Variants in FOXP2 observed in about 807,000 individuals in gnomAD.
FOXP2 encodes the protein forkhead box P2.
A neutral mutation model predicts 115.8 loss-of-function variants in FOXP2; 12 were observed. The ratio of observed to expected loss-of-function variants is 0.10; its 90% confidence interval spans 0.07 to 0.17. The LOEUF is 0.17. Ranked by LOEUF, FOXP2 falls within the 10% of genes least tolerant of loss-of-function variation. The pLI, the probability that FOXP2 is intolerant of heterozygous loss-of-function variation, is 1.00. For missense variants in FOXP2, 629 were observed against 843.5 expected, an observed-to-expected ratio of 0.75 and a Z score of 3.15; for synonymous variants, 328 against 297.7, an observed-to-expected ratio of 1.10 and a Z score of -1.05.
At chr7:114,184,684 T>C (rs1210042447) in intron 1 of FOXP2, among the ~76,000 whole-genome samples, 1 of 152,148 alleles carries the variant, frequency 6.6e-6, no homozygotes, top group Non-Finnish European at 1.5e-5. Context: ...ACTGGGGCTA[T>C]ATGGGACAAA....
Position 114,243,924 on chromosome 7 carries a change from T to G in FOXP2, c.-101-44095T>G, listed in dbSNP as rs189971470. Among the ~76,000 whole-genome samples the G allele has an allele frequency of 9.4e-3, 1,428 of 152,076 alleles. 23 individuals carry two copies. The highest frequency in any genetic ancestry group is 0.052 in the South Asian group (252 of 4,818). ...AGCATGGTTTTTAGCTTGTTTTTTT[T>G]TTTTGTTTTGTTTTTGTGTTTTAGG... On this transcript the variant is annotated intron_variant, in intron 1 of 17. Transcript: ENST00000634411.
chr7:114,250,011 A>T (rs1172079811), intron 1 of FOXP2, among the ~76,000 whole-genome samples: 2 of 132,300 alleles, frequency 1.5e-5, no homozygotes, highest in Non-Finnish European at 3.1e-5. Context: ...AAGTGTTCTC[A>T]TTGTTCAATT....
intron 2 of FOXP2, among the ~76,000 whole-genome samples, chr7:114,445,831 A>T (rs999791722): frequency 2.6e-5 from 4 of 152,058 alleles, no homozygotes; most frequent in African/African-American, 9.7e-5. Flanking sequence ...TTACCTTCAG[A>T]TAACACATCT....
intron 3 of FOXP2, among the ~76,000 whole-genome samples, chr7:114,557,622 A>C (rs1446697356): frequency 6.6e-6 from 1 of 152,142 alleles, no homozygotes; most frequent in Non-Finnish European, 1.5e-5. Flanking sequence ...CTTTCCTACA[A>C]ATGAAAATGT....
chr7:114,297,102 G>T, intron 2 of FOXP2: 1 of 455,092 alleles, frequency 2.2e-6, no homozygotes, highest in East Asian at 6.3e-5. Context: ...GAGAGGGCAG[G>T]GCAGGGGGCT....
intron 2 of FOXP2, among the ~76,000 whole-genome samples, chr7:114,318,000 C>G (rs1797313884): frequency 6.6e-6 from 1 of 152,154 alleles, no homozygotes; most frequent in Non-Finnish European, 1.5e-5. Context: ...TTGTCACTTT[C>G]ACCATAAGGG....
At chr7:114,560,807 A>G (rs1800723914) in intron 3 of FOXP2, among the ~76,000 whole-genome samples, 1 of 152,216 alleles carries the variant, frequency 6.6e-6, no homozygotes, top group African/African-American at 2.4e-5. Flanking sequence ...TTTTGACAGT[A>G]TGATTATTGA....
In FOXP2 at chr7:114,693,242, A is replaced by T. The variant is rs1417366451; in HGVS notation, c.*3316A>T. On this transcript the variant is annotated 3_prime_UTR_variant, in exon 17 of 17. Transcript: ENST00000350908. Reference sequence around the variant, plus strand: ...ATAACTCAGATATGGAGAAAATGTCATCAGCATTCTGTGTCTACAGCTGCT... The same window carrying T: ...ATAACTCAGATATGGAGAAAATGTCTTCAGCATTCTGTGTCTACAGCTGCT... 2.2e-6 allele frequency: 1 copy of T among 449,556 alleles called. No individual in the cohort carries two copies. Among genetic ancestry groups the T allele is most frequent in the East Asian group, 7.0e-5 (1 of 14,358 alleles). 27.8% of individuals were successfully genotyped at this position (449,556 alleles called of 1,614,324 possible).
At chr7:114,498,083 T>C (rs117605848) in intron 2 of FOXP2, among the ~76,000 whole-genome samples, 6,558 of 152,312 alleles carry the variant, frequency 0.043, 185 homozygotes, top group Middle Eastern at 0.082. Context: ...AAAATGATTA[T>C]AAATCTTAAT....
At chr7:114,286,587 A>T (rs1324978618) in intron 1 of FOXP2, among the ~76,000 whole-genome samples, 1 of 152,082 alleles carries the variant, frequency 6.6e-6, no homozygotes, top group East Asian at 1.9e-4. Context: ...TAACATAAGG[A>T]AAGCCAAGAG....
chr7:114,536,578 G>A lies in FOXP2; in HGVS notation c.258+1872G>A, dbSNP rs556522629. On this transcript the variant is annotated intron_variant, in intron 3 of 16. Coordinates refer to ENST00000350908, the MANE Select transcript of FOXP2 (RefSeq NM_014491.4). The stretch of plus-strand genomic sequence containing the variant: ...TGCAGAAGTAAAATTTTGAGCAGAA[G>A]TGTCCAGTCTTGTTGTTTTAGCATA... Among the ~76,000 whole-genome samples the A allele has an allele frequency of 1.5e-3, 227 of 151,358 alleles. 3 individuals carry two copies. The South Asian group carries it at 0.031, about 20-fold the overall frequency.
chr7:114,406,049 G>C (rs938813491), intron 2 of FOXP2, among the ~76,000 whole-genome samples: 3 of 151,874 alleles, frequency 2.0e-5, no homozygotes, highest in South Asian at 2.1e-4. Context: ...TATTTAGCTA[G>C]TCCACTTACA....
In FOXP2 at chr7:114,369,827, A is replaced by G. The variant is rs949089206; in HGVS notation, c.-10-56675A>G. Among the ~76,000 whole-genome samples the G allele has an allele frequency of 5.3e-5, 8 of 152,254 alleles. No individual in the cohort carries two copies. The East Asian group carries it at 9.6e-4, about 18-fold the overall frequency. On this transcript the variant is annotated intron_variant, in intron 2 of 17. Transcript: ENST00000634411. ...TTATATGCTTAATCGAGTTCCTTCT[A>G]TATATAATTTGTCATTAATCTTTAT...
At chr7:114,643,448 A>T (rs1805695005) in intron 7 of FOXP2, among the ~76,000 whole-genome samples, 1 of 152,200 alleles carries the variant, frequency 6.6e-6, no homozygotes, top group African/African-American at 2.4e-5. Flanking sequence ...GCATGATGAA[A>T]TAAGTAAATA....
At chr7:114,442,471 A>C (rs1474219658) in intron 2 of FOXP2, among the ~76,000 whole-genome samples, 1 of 151,990 alleles carries the variant, frequency 6.6e-6, no homozygotes, top group Non-Finnish European at 1.5e-5. Flanking sequence ...TTCTGTTTTT[A>C]AGACAGGGAG....
upstream of FOXP2, chr7:114,086,680 G>C (rs1201385737): frequency 3.7e-6 from 1 of 269,588 alleles, no homozygotes; most frequent in Non-Finnish European, 7.4e-6. Flanking sequence ...CCACCTCCAC[G>C]CTGGGCCGAG....
chr7:114,491,955 T>A (rs2129244496), intron 2 of FOXP2, among the ~76,000 whole-genome samples: 1 of 152,334 alleles, frequency 6.6e-6, no homozygotes, highest in Middle Eastern at 3.4e-3. Context: ...TCCCTCTTTT[T>A]CTATTGATTG....
At chr7:114,182,443 C>CT (rs1393565454) in intron 1 of FOXP2, among the ~76,000 whole-genome samples, 1 of 152,010 alleles carries the variant, frequency 6.6e-6, no homozygotes, top group Non-Finnish European at 1.5e-5. Flanking sequence ...TAACATTTAA[C>CT]TAGTAGGTGA....
chr7:114,378,779 C>T (rs1345923330), intron 2 of FOXP2, among the ~76,000 whole-genome samples: 1 of 145,480 alleles, frequency 6.9e-6, no homozygotes. Flanking sequence ...TACAAGAATT[C>T]TACATTTAGA....
Sources: gnomAD v4.1 joint callset for allele counts (sites outside exome capture counted in the v4.1 genomes callset) on GRCh38, gnomAD v4.1.1 for gene constraint, MANE v1.5 for transcripts, NCBI Gene and HGNC (gene_info 2026-07-23, HGNC 2026-07-21) for gene names.